Variants in PDE4B observed in about 807,000 individuals in gnomAD.
PDE4B encodes the protein 3',5'-cyclic-AMP phosphodiesterase 4B.
PDE4B carries 20 observed loss-of-function variants against 82.2 expected under a neutral mutation model. The ratio of observed to expected loss-of-function variants is 0.24; its 90% CI spans 0.17 to 0.35. PDE4B has a LOEUF of 0.35. Ranked by LOEUF, PDE4B falls within the 10% of genes least tolerant of loss-of-function variation. PDE4B has a pLI of 1.00. For synonymous variants in PDE4B, 320 were observed against 318.9 expected (o/e 1.00, Z -0.04); for missense variants, 655 against 907.2 (o/e 0.72, Z 3.57).
intron 8 of PDE4B, among the ~76,000 whole-genome samples, chr1:66,351,747 C>T (rs1661834766): frequency 6.6e-6 from 1 of 152,286 alleles, no homozygotes; most frequent in African/African-American, 2.4e-5. Context: ...AATGAAAAGT[C>T]AAGATTTGTC....
At chr1:66,268,687 A>G (rs1369972683) in intron 7 of PDE4B, among the ~76,000 whole-genome samples, 7 of 151,200 alleles carry the variant, frequency 4.6e-5, no homozygotes, top group Non-Finnish European at 8.9e-5. Context: ...AAAAAAAAAA[A>G]AAAAGAAAGA....
At chr1:66,332,992 C>T (rs773651093) in intron 8 of PDE4B, among the ~76,000 whole-genome samples, 6 of 152,196 alleles carry the variant, frequency 3.9e-5, no homozygotes, top group Non-Finnish European at 8.8e-5. Flanking sequence ...TGTTGCATTG[C>T]AATCAGGTGT....
chr1:66,069,954 C>T (rs1656066587), intron 3 of PDE4B, among the ~76,000 whole-genome samples: 1 of 151,796 alleles, frequency 6.6e-6, no homozygotes, highest in Non-Finnish European at 1.5e-5. Flanking sequence ...TCCATTCTTC[C>T]TTATATTTAC....
In PDE4B at chr1:66,361,904, T is replaced by G. The variant is rs1570776016; in HGVS notation, c.1020+111T>G. The G allele has an allele frequency of 4.7e-6, 4 of 845,178 alleles. No homozygotes were observed. In the South Asian group the frequency reaches 6.7e-5, roughly 14 times the overall value. 52.4% of individuals were successfully genotyped at this position (845,178 alleles called of 1,614,324 possible). ...TTGCTTTTGCATTATTATTACATTT[T>G]GTGTTAGGGAAGCTCATATGAAATG... On this transcript the variant is annotated intron_variant, in intron 10 of 16. Coordinates refer to ENST00000341517, the MANE Select transcript of PDE4B (RefSeq NM_002600.4).
chr1:66,040,557 A>C (rs1171779141), intron 3 of PDE4B, among the ~76,000 whole-genome samples: 1 of 152,080 alleles, frequency 6.6e-6, no homozygotes, highest in Non-Finnish European at 1.5e-5. Flanking sequence ...CTTTATAATA[A>C]GAAGAATATG....
chr1:66,075,899 CAAAACAAAACAAAACAAAACAAAACAAAA>C (rs1192805357), intron 3 of PDE4B, among the ~76,000 whole-genome samples: 1 of 42,200 alleles, frequency 2.4e-5, no homozygotes, highest in Non-Finnish European at 6.1e-5. Flanking sequence ...TTAAACAAAA[CAAAACAAAACAAAACAAAACAAAACAAAA>C]AAAACAAAAC....
chr1:66,298,519 T>G (rs187927234), intron 7 of PDE4B, among the ~76,000 whole-genome samples: 1 of 152,292 alleles, frequency 6.6e-6, no homozygotes, highest in Non-Finnish European at 1.5e-5. Flanking sequence ...TAAAGATAAG[T>G]TAACTGCTGT....
At chr1:66,356,170 A>C (rs1266381029) in intron 9 of PDE4B, among the ~76,000 whole-genome samples, 1 of 152,210 alleles carries the variant, frequency 6.6e-6, no homozygotes, top group Non-Finnish European at 1.5e-5. Flanking sequence ...AAGGGGGAGA[A>C]TTTTAATATT....
At chr1:66,045,637 G>T (rs1654664540) in intron 3 of PDE4B, among the ~76,000 whole-genome samples, 1 of 151,704 alleles carries the variant, frequency 6.6e-6, no homozygotes, top group African/African-American at 2.4e-5. Flanking sequence ...TAAGACGCAT[G>T]CTCATCCCCC....
At chr1:66,241,994 C>T (rs1042838235) in intron 3 of PDE4B, among the ~76,000 whole-genome samples, 1 of 152,190 alleles carries the variant, frequency 6.6e-6, no homozygotes, top group Non-Finnish European at 1.5e-5. Context: ...TGATACTCAG[C>T]TCTAGGCCCT....
At position 66,164,535 on chromosome 1, in the gene PDE4B, CAAAAAAAAAAAA is replaced by C. The variant is rs10718019; in HGVS notation, c.282-82909_282-82898del. Among the ~76,000 whole-genome samples, 9 of 48,558 alleles carry C rather than the reference CAAAAAAAAAAAA, an allele frequency of 1.9e-4. No homozygotes were observed. In the South Asian group the frequency reaches 0.011, roughly 59 times the overall value. The allele number at this position is 48,558 out of a possible 152,430, so 31.9% of individuals were successfully genotyped here. ...TGGACAACAGAGAGAGACTCCGTCT[CAAAAAAAAAAAA>C]AAAAAAAAAAAAAAAGAAAGAAAGA... is the stretch of plus-strand genomic sequence containing the variant. On this transcript the variant is annotated intron_variant, in intron 3 of 16. Coordinates refer to ENST00000341517, the MANE Select transcript of PDE4B (RefSeq NM_002600.4).
intron 3 of PDE4B, among the ~76,000 whole-genome samples, chr1:65,933,965 TAGTG>T (rs1647981060): frequency 6.6e-6 from 1 of 152,178 alleles, no homozygotes; most frequent in Non-Finnish European, 1.5e-5. Context: ...ATCTATAACA[TAGTG>T]TGTGATGGGA....
chr1:66,219,716 G>C (rs1225608785), intron 3 of PDE4B, among the ~76,000 whole-genome samples: 1 of 152,084 alleles, frequency 6.6e-6, no homozygotes, highest in African/African-American at 2.4e-5. Flanking sequence ...GGGATCTTCA[G>C]ATCAAACACT....
chr1:65,930,917 C>T lies in PDE4B; in HGVS notation c.281+12082C>T, dbSNP rs532636772. On this transcript the variant is annotated intron_variant, in intron 3 of 16. Coordinates refer to ENST00000341517, the MANE Select transcript of PDE4B (RefSeq NM_002600.4). ...CATGAGATTTGGGAGGGCCCAGGGG[C>T]AGAATGATGTGGTTTGAATCTGTGT... Among the ~76,000 whole-genome samples the T allele has an allele frequency of 2.6e-5, 4 of 152,216 alleles. No individual in the cohort carries two copies. The South Asian group carries it at 8.3e-4, about 32-fold the overall frequency.
intron 7 of PDE4B, among the ~76,000 whole-genome samples, chr1:66,271,415 A>C (rs1295624146): frequency 6.6e-6 from 1 of 152,208 alleles, no homozygotes; most frequent in Non-Finnish European, 1.5e-5. Context: ...GGAATCATGC[A>C]TGTTAGTAAG....
chr1:66,039,272 C>T (rs762726776), intron 3 of PDE4B, among the ~76,000 whole-genome samples: 1 of 152,054 alleles, frequency 6.6e-6, no homozygotes, highest in Admixed American at 6.6e-5. Flanking sequence ...CACAGGTAGC[C>T]TGTCTTGTTG....
At chr1:66,115,809 T>G (rs1645583481) in intron 3 of PDE4B, among the ~76,000 whole-genome samples, 1 of 152,236 alleles carries the variant, frequency 6.6e-6, no homozygotes, top group Non-Finnish European at 1.5e-5. Context: ...GATAATGCTC[T>G]TTTGTTTAAA....
chr1:66,079,849 A>G (rs1302245649), intron 3 of PDE4B, among the ~76,000 whole-genome samples: 1 of 152,192 alleles, frequency 6.6e-6, no homozygotes, highest in African/African-American at 2.4e-5. Context: ...AGTCTTTCCA[A>G]TTATGAGGTA....
At chr1:65,905,805 A>G (rs899102825) in intron 1 of PDE4B, among the ~76,000 whole-genome samples, 4 of 152,114 alleles carry the variant, frequency 2.6e-5, no homozygotes, top group African/African-American at 9.7e-5. Flanking sequence ...CTCACACTGC[A>G]CTGTGAACCT....
Sources: gnomAD v4.1 joint callset for allele counts (sites outside exome capture counted in the v4.1 genomes callset) on GRCh38, gnomAD v4.1.1 for gene constraint, MANE v1.5 for transcripts, NCBI Gene and HGNC (gene_info 2026-07-23, HGNC 2026-07-21) for gene names.